Variants in CHL1 observed in about 807,000 individuals in gnomAD.
CHL1 encodes the protein neural cell adhesion molecule L1-like protein.
CHL1 carries 96 observed loss-of-function variants against 141.9 expected under a neutral mutation model. The observed-to-expected ratio is 0.68, with a 90% CI of 0.57 to 0.80. The LOEUF (loss-of-function observed/expected upper bound fraction) is 0.80. Among genes scored for constraint, CHL1 ranks in the 30% least tolerant of loss-of-function variants. The pLI is 0.00. For missense variants in CHL1, 1,820 were observed against 1,457.2 expected, an observed-to-expected ratio of 1.25 and a Z score of -4.05; for synonymous variants, 613 against 502.2, an observed-to-expected ratio of 1.22 and a Z score of -2.95.
At chr3:331,943 A>G (rs146412529) in intron 5 of CHL1, among the ~76,000 whole-genome samples, 31 of 152,324 alleles carry the variant, frequency 2.0e-4, no homozygotes, top group African/African-American at 6.7e-4. Context: ...TTAGATTGCA[A>G]TATACATCCA....
intron 10 of CHL1, among the ~76,000 whole-genome samples, chr3:350,295 G>T (rs943966736): frequency 3.9e-5 from 6 of 152,156 alleles, no homozygotes; most frequent in African/African-American, 1.4e-4. Context: ...TATTAGTGCT[G>T]TGACTGGCTG....
At chr3:259,363 T>C (rs980952672) in intron 2 of CHL1, among the ~76,000 whole-genome samples, 4 of 151,632 alleles carry the variant, frequency 2.6e-5, no homozygotes, top group African/African-American at 9.7e-5. Flanking sequence ...GGGCAGGAGA[T>C]AGGAATTGCA....
intron 2 of CHL1, among the ~76,000 whole-genome samples, chr3:313,037 C>T (rs1260302843): frequency 6.6e-6 from 1 of 152,100 alleles, no homozygotes; most frequent in East Asian, 1.9e-4. Context: ...AATGCTGTTT[C>T]TTAGTGAAGA....
chr3:253,299 G>T (rs1693873469), intron 2 of CHL1, among the ~76,000 whole-genome samples: 1 of 152,052 alleles, frequency 6.6e-6, no homozygotes, highest in Admixed American at 6.6e-5. Flanking sequence ...ATAGAGGATG[G>T]GACAGTTAAT....
intron 13 of CHL1, among the ~76,000 whole-genome samples, chr3:362,811 G>A (rs1243023133): frequency 6.6e-6 from 1 of 152,168 alleles, no homozygotes; most frequent in Non-Finnish European, 1.5e-5. Context: ...AATGACCAAT[G>A]TTCTCCCAGG....
At chr3:403,982 G>A (rs545372311) in intron 27 of CHL1, among the ~76,000 whole-genome samples, 2 of 152,216 alleles carry the variant, frequency 1.3e-5, no homozygotes, top group South Asian at 4.1e-4. Flanking sequence ...CCTAATTCAA[G>A]AGCCAATTAT....
intron 2 of CHL1, among the ~76,000 whole-genome samples, chr3:245,214 C>G (rs1236938059): frequency 1.3e-5 from 2 of 151,968 alleles, no homozygotes; most frequent in Non-Finnish European, 2.9e-5. Flanking sequence ...TTTTCAAATT[C>G]TTTGTGCAAC....
chr3:344,794 A>G (rs1005254578), intron 9 of CHL1, 85 bp downstream of exon 9: 68 of 1,299,718 alleles, frequency 5.2e-5, no homozygotes, highest in Non-Finnish European at 6.4e-5. Flanking sequence ...CTGTGCTTGC[A>G]AAGATATTTT....
intron 1 of CHL1, among the ~76,000 whole-genome samples, chr3:229,056 C>T (rs1238581336): frequency 6.6e-6 from 1 of 152,152 alleles, no homozygotes; most frequent in Non-Finnish European, 1.5e-5. Context: ...TTAGTTTACA[C>T]AGGATTAATT....
At chr3:323,018 T>C (rs900160693) in intron 3 of CHL1, among the ~76,000 whole-genome samples, 2 of 152,046 alleles carry the variant, frequency 1.3e-5, no homozygotes, top group African/African-American at 4.8e-5. Context: ...GGGAAGTAGA[T>C]ATAAAATAAT....
chr3:301,115 T>A (rs1025580687), intron 2 of CHL1, among the ~76,000 whole-genome samples: 4 of 152,102 alleles, frequency 2.6e-5, no homozygotes, highest in Non-Finnish European at 5.9e-5. Flanking sequence ...CAGATCTCCT[T>A]TACATGAGCA....
chr3:324,798 C>T (rs1468503004), intron 3 of CHL1, among the ~76,000 whole-genome samples: 2 of 151,714 alleles, frequency 1.3e-5, no homozygotes, highest in Non-Finnish European at 2.9e-5. Context: ...CTATGTTACC[C>T]AGGTTGTTCT....
At chr3:340,737 G>C (rs1702284251) in intron 5 of CHL1, 57 bp from the exon 6 acceptor site, 2 of 1,357,418 alleles carry the variant, frequency 1.5e-6, no homozygotes, top group Non-Finnish European at 2.1e-6. Flanking sequence ...TAAGATATTT[G>C]TTGTTATAGT....
intron 1 of CHL1, among the ~76,000 whole-genome samples, chr3:200,358 T>C (rs928527249): frequency 1.3e-5 from 2 of 152,182 alleles, no homozygotes; most frequent in Non-Finnish European, 2.9e-5. Flanking sequence ...GGGGACCTAA[T>C]TGAAATGCAA....
At position 344,683 on chromosome 3, in the gene CHL1, G is replaced by C; in HGVS notation, c.822G>C (p.Leu274Phe). ...TTACCATCCTCAAAGGGGAAATCTT[G>C]CTGCTTGAGTGTTTTGCTGAAGGCT... ...SSITILKGEI[L>F]LLECFAEGLP... The change falls in exon 9 of 28, where the codon TTG becomes TTC. Residue 274 changes from leucine to phenylalanine, a missense_variant. Leu to Phe is a conservative substitution (Grantham distance 22). Transcript: ENST00000256509. 2 of 1,613,748 alleles carry C rather than the reference G, an allele frequency of 1.2e-6. No homozygotes were observed. Among genetic ancestry groups the C allele is most frequent in the Non-Finnish European group, 8.5e-7 (1 of 1,179,818 alleles).
chr3:301,985 G>A (rs141453838), intron 2 of CHL1, among the ~76,000 whole-genome samples: 1 of 152,300 alleles, frequency 6.6e-6, no homozygotes, highest in East Asian at 1.9e-4. Context: ...ACTTATGCGT[G>A]AGAATATGTG....
chr3:241,760 A>G (rs1037989369), intron 1 of CHL1, among the ~76,000 whole-genome samples: 14 of 152,182 alleles, frequency 9.2e-5, no homozygotes, highest in Non-Finnish European at 7.4e-5. Context: ...TTTCTTTTTA[A>G]TATTCCTCTC....
intron 5 of CHL1, among the ~76,000 whole-genome samples, chr3:338,888 C>T (rs186077449): frequency 3.9e-5 from 6 of 152,198 alleles, no homozygotes; most frequent in African/African-American, 1.2e-4. Context: ...ACTATCTGTT[C>T]GAATTGCTAG....
chr3:351,276 C>T (rs1703231939), intron 10 of CHL1, among the ~76,000 whole-genome samples: 1 of 152,156 alleles, frequency 6.6e-6, no homozygotes, highest in South Asian at 2.1e-4. Context: ...AAATTGTTCT[C>T]ACTACTCATA....
Sources: allele counts gnomAD v4.1 joint callset (sites outside exome capture counted in the v4.1 genomes callset), GRCh38; gene constraint gnomAD v4.1.1; transcripts MANE v1.5; gene names NCBI Gene and HGNC (gene_info 2026-07-23, HGNC 2026-07-21).